Variants in GABRB1 observed in about 807,000 individuals in gnomAD.
GABRB1 encodes gamma-aminobutyric acid type A receptor subunit beta1.
GABRB1 carries 17 observed loss-of-function variants against 51.6 expected under a neutral mutation model. The ratio of observed to expected loss-of-function variants is 0.33; its 90% CI spans 0.23 to 0.49. The LOEUF (loss-of-function observed/expected upper bound fraction) is 0.49. Ranked by LOEUF, GABRB1 falls within the 20% of genes least tolerant of loss-of-function variation. The probability of loss-of-function intolerance (pLI) is 0.99; values close to 1 mark genes in which losing one functional copy is unlikely to be tolerated. For missense variants in GABRB1, 410 were observed against 600.6 expected (o/e 0.68, Z 3.32); for synonymous variants, 247 against 218.9 (o/e 1.13, Z -1.14).
chr4:47,415,051 T>G (rs1158051050), intron 8 of GABRB1, among the ~76,000 whole-genome samples: 1 of 152,258 alleles, frequency 6.6e-6, no homozygotes, highest in Non-Finnish European at 1.5e-5. Context: ...GTTCGCTTTT[T>G]GTTCTCTAGC....
At chr4:47,211,435 A>G (rs1578004599) in intron 4 of GABRB1, among the ~76,000 whole-genome samples, 2 of 152,222 alleles carry the variant, frequency 1.3e-5, no homozygotes, top group East Asian at 3.9e-4. Context: ...ATGATCAAAC[A>G]GAAACTCATA....
intron 4 of GABRB1, among the ~76,000 whole-genome samples, chr4:47,261,397 AACAG>A (rs1470415235): frequency 2.6e-5 from 4 of 152,212 alleles, no homozygotes; most frequent in African/African-American, 4.8e-5. Context: ...ATACACCAAT[AACAG>A]ACAAACAGAG....
chr4:47,311,675 C>T (rs376192098), intron 4 of GABRB1, among the ~76,000 whole-genome samples: 2 of 152,052 alleles, frequency 1.3e-5, no homozygotes, highest in Admixed American at 6.6e-5. Context: ...GAACTGTAAG[C>T]GAATAAATTT....
At chr4:47,152,314 G>A (rs1413420694) in intron 3 of GABRB1, among the ~76,000 whole-genome samples, 1 of 151,938 alleles carries the variant, frequency 6.6e-6, no homozygotes, top group Non-Finnish European at 1.5e-5. Context: ...TGATGCATTT[G>A]ATCATTTGCT....
intron 3 of GABRB1, among the ~76,000 whole-genome samples, chr4:47,075,656 T>A (rs1271406090): frequency 6.6e-6 from 1 of 152,196 alleles, no homozygotes; most frequent in East Asian, 1.9e-4. Flanking sequence ...TCAGAAATCT[T>A]TAAGGTTTTT....
chr4:47,209,795 T>C (rs1176708958), intron 4 of GABRB1, among the ~76,000 whole-genome samples: 1 of 146,882 alleles, frequency 6.8e-6, no homozygotes, highest in African/African-American at 2.6e-5. Flanking sequence ...ACAGGGTACT[T>C]TAGTAAAAAA....
intron 3 of GABRB1, among the ~76,000 whole-genome samples, chr4:47,044,458 T>C (rs1725997744): frequency 6.6e-6 from 1 of 152,072 alleles, no homozygotes; most frequent in African/African-American, 2.4e-5. Context: ...TAATTTATAC[T>C]CTCAAGTATA....
At chr4:47,098,309 A>G (rs1714554424) in intron 3 of GABRB1, among the ~76,000 whole-genome samples, 1 of 152,060 alleles carries the variant, frequency 6.6e-6, no homozygotes, top group South Asian at 2.1e-4. Context: ...CAATATGGGT[A>G]TCATTTACTC....
intron 4 of GABRB1, among the ~76,000 whole-genome samples, chr4:47,298,585 A>G (rs1457811149): frequency 1.3e-5 from 2 of 152,210 alleles, no homozygotes; most frequent in Non-Finnish European, 2.9e-5. Flanking sequence ...AATGAAATAA[A>G]AGAGGATACA....
chr4:47,201,943 G>T (rs75292692), intron 4 of GABRB1, among the ~76,000 whole-genome samples: 2 of 152,168 alleles, frequency 1.3e-5, no homozygotes, highest in Admixed American at 6.6e-5. Flanking sequence ...AGGAATGGAC[G>T]TGGATCCCCC....
chr4:47,083,598 T>C (rs2109572134), intron 3 of GABRB1, among the ~76,000 whole-genome samples: 1 of 152,244 alleles, frequency 6.6e-6, no homozygotes, highest in East Asian at 1.9e-4. Context: ...GTAACTAAAC[T>C]GGGGTAATAT....
At chr4:47,238,209 GA>G (rs1266763686) in intron 4 of GABRB1, among the ~76,000 whole-genome samples, 1 of 151,746 alleles carries the variant, frequency 6.6e-6, no homozygotes, top group Non-Finnish European at 1.5e-5. Context: ...AAAGAATGAG[GA>G]AAACATAACA....
intron 3 of GABRB1, among the ~76,000 whole-genome samples, chr4:47,065,128 C>T (rs1430146212): frequency 1.3e-5 from 2 of 152,128 alleles, no homozygotes; most frequent in Non-Finnish European, 2.9e-5. Context: ...GAATGCCGTT[C>T]CCATGGTTTT....
chr4:47,117,431 A>C (rs1238793265), intron 3 of GABRB1, among the ~76,000 whole-genome samples: 2 of 152,096 alleles, frequency 1.3e-5, no homozygotes, highest in Non-Finnish European at 2.9e-5. Context: ...TGGGTGAACC[A>C]TTTGTTTAGA....
rs142294876 is a variant in GABRB1 at position 47,074,369 on chromosome 4, T to G, written c.240+41885T>G. Among the ~76,000 whole-genome samples, 436 of 152,322 alleles carry G rather than the reference T, an allele frequency of 2.9e-3. 3 individuals are homozygous for G. The highest frequency in any genetic ancestry group is 9.1e-3 in the African/African-American group (379 of 41,572). ...AAAATAGATCCTTCCTGGTAACATG[T>G]AAGGCTAATGTTTGATTTCCTTGCA... is the stretch of plus-strand genomic sequence containing the variant. On this transcript the variant is annotated intron_variant, in intron 3 of 8. Coordinates refer to ENST00000295454, the MANE Select transcript of GABRB1 (RefSeq NM_000812.4).
At chr4:47,129,199 A>G (rs953375581) in intron 3 of GABRB1, among the ~76,000 whole-genome samples, 3 of 152,100 alleles carry the variant, frequency 2.0e-5, no homozygotes, top group Non-Finnish European at 2.9e-5. Flanking sequence ...ATATTGCACA[A>G]TCTTTGAGTG....
At chr4:47,326,687 C>T (rs1578096507) in intron 5 of GABRB1, among the ~76,000 whole-genome samples, 1 of 152,122 alleles carries the variant, frequency 6.6e-6, no homozygotes, top group Non-Finnish European at 1.5e-5. Flanking sequence ...TATAAGGACA[C>T]AGCTAGAAGT....
chr4:47,219,451 A>T (rs566741626), intron 4 of GABRB1, among the ~76,000 whole-genome samples: 1 of 152,010 alleles, frequency 6.6e-6, no homozygotes, highest in African/African-American at 2.4e-5. Flanking sequence ...ATTATTTTGT[A>T]TTCTTCTAAC....
intron 1 of GABRB1, among the ~76,000 whole-genome samples, chr4:47,007,142 T>TTA (rs1724428464): frequency 6.9e-6 from 1 of 145,376 alleles, no homozygotes; most frequent in African/African-American, 2.6e-5. Flanking sequence ...CCTGTTTGGA[T>TTA]AAAAAAAAAA....
Sources: allele counts gnomAD v4.1 joint callset (sites outside exome capture counted in the v4.1 genomes callset), GRCh38; gene constraint gnomAD v4.1.1; transcripts MANE v1.5; gene names NCBI Gene and HGNC (gene_info 2026-07-23, HGNC 2026-07-21).